The following RAB27B variants were observed in gnomAD, a reference collection of about 807,000 sequenced individuals.
The protein encoded by RAB27B is ras-related protein Rab-27B.
Under a neutral mutation model 24.6 loss-of-function variants are expected in RAB27B, and 15 were observed. The observed-to-expected ratio is 0.61, with a 90% CI of 0.41 to 0.94. RAB27B has a LOEUF of 0.94. Among genes scored for constraint, RAB27B ranks in the 40% least tolerant of loss-of-function variants. The pLI, the probability that RAB27B is intolerant of heterozygous loss-of-function variation, is 0.00. For missense variants in RAB27B, 261 were observed against 266.8 expected, an observed-to-expected ratio of 0.98 and a Z score of 0.15; for synonymous variants, 105 against 92.5, an observed-to-expected ratio of 1.14 and a Z score of -0.78.
chr18:54,872,287 CTATTT>C (rs1462005620), intron 1 of RAB27B, among the ~76,000 whole-genome samples: 1 of 152,144 alleles, frequency 6.6e-6, no homozygotes, highest in African/African-American at 2.4e-5. Flanking sequence ...AAGATATATT[CTATTT>C]TGAGAAGGTT....
chr18:54,780,101 C>T (rs1379608776), intron 2 of RAB27B, among the ~76,000 whole-genome samples: 1 of 141,018 alleles, frequency 7.1e-6, no homozygotes, highest in Non-Finnish European at 1.5e-5. Flanking sequence ...CTGACAGCTT[C>T]CCCATCACCC....
At position 54,891,818 on chromosome 18, in the gene RAB27B, A is replaced by G. The variant is rs1273802091; in HGVS notation, c.*2405A>G. 1 of 152,072 alleles carries G rather than the reference A, an allele frequency of 6.6e-6. No homozygotes were observed. Among genetic ancestry groups the G allele is most frequent in the Non-Finnish European group, 1.5e-5 (1 of 68,000 alleles). The allele number at this position is 152,072 out of a possible 1,614,324, so 9.4% of individuals were successfully genotyped here. On this transcript the variant is annotated 3_prime_UTR_variant, in exon 6 of 6. Coordinates refer to ENST00000262094, the MANE Select transcript of RAB27B (RefSeq NM_004163.4). Reference sequence around the variant, plus strand: ...GGTTGATGATGCCCATAATTGCAAGACTATTCCTGTAAAAATAACAATTAT... The same window carrying G: ...GGTTGATGATGCCCATAATTGCAAGGCTATTCCTGTAAAAATAACAATTAT...
Position 54,728,923 on chromosome 18 carries a change from A to C in RAB27B, c.-20+10782A>C, listed in dbSNP as rs1568044231. ...AAACCCAAAAAAAAAAAAAAAAAAA[A>C]CCACCACCAAAGGAAACCTGCCTAC... On this transcript the variant is annotated intron_variant, in intron 2 of 4. Transcript: ENST00000586570. 3.5e-5 allele frequency among the ~76,000 whole-genome samples: 5 copies of C among 144,652 alleles called. No individual in the cohort carries two copies. In the East Asian group the frequency reaches 6.0e-4, roughly 17 times the overall value. The allele number at this position is 144,652 out of a possible 152,430, so 94.9% of individuals were successfully genotyped here. A position where few individuals can be genotyped will look rare whatever the true frequency, so the allele number is the denominator to read the frequency against.
intron 2 of RAB27B, among the ~76,000 whole-genome samples, chr18:54,737,997 A>G (rs560661341): frequency 3.9e-5 from 6 of 152,182 alleles, no homozygotes; most frequent in Non-Finnish European, 7.3e-5. Context: ...GTCAATGTAG[A>G]AAATATATGC....
chr18:54,803,037 G>A (rs776843568), intron 2 of RAB27B, among the ~76,000 whole-genome samples: 7 of 152,040 alleles, frequency 4.6e-5, no homozygotes, highest in Non-Finnish European at 8.8e-5. Context: ...TGGCACTGAA[G>A]CTGAAATACA....
At chr18:54,794,226 C>T (rs1909343385) in intron 2 of RAB27B, among the ~76,000 whole-genome samples, 1 of 152,164 alleles carries the variant, frequency 6.6e-6, no homozygotes, top group Non-Finnish European at 1.5e-5. Context: ...GCTATTATAG[C>T]ACCCTGAACT....
chr18:54,832,177 A>G (rs1035443386), intron 1 of RAB27B, among the ~76,000 whole-genome samples: 2 of 152,186 alleles, frequency 1.3e-5, no homozygotes, highest in Non-Finnish European at 2.9e-5. Flanking sequence ...CAGTAGACCA[A>G]CTACAACAGT....
intron 1 of RAB27B, among the ~76,000 whole-genome samples, chr18:54,875,229 G>A (rs1250079761): frequency 1.3e-5 from 2 of 152,186 alleles, no homozygotes; most frequent in Non-Finnish European, 2.9e-5. Flanking sequence ...GGAAGGCTGA[G>A]TTGGGAGGAT....
intron 1 of RAB27B, among the ~76,000 whole-genome samples, chr18:54,832,956 G>T (rs1465903841): frequency 6.6e-6 from 1 of 152,114 alleles, no homozygotes; most frequent in African/African-American, 2.4e-5. Flanking sequence ...GAGGCCCCCA[G>T]AAAAACTCAT....
At chr18:54,736,690 C>G (rs373502763) in intron 2 of RAB27B, among the ~76,000 whole-genome samples, 139 of 152,104 alleles carry the variant, frequency 9.1e-4, no homozygotes, top group African/African-American at 3.2e-3. Context: ...AGTGATATTT[C>G]GATAAGACCA....
chr18:54,794,533 C>T (rs144923152), intron 2 of RAB27B, among the ~76,000 whole-genome samples: 1 of 152,170 alleles, frequency 6.6e-6, no homozygotes, highest in African/African-American at 2.4e-5. Context: ...GGATGATTCT[C>T]TGTCTGAGGA....
intron 2 of RAB27B, among the ~76,000 whole-genome samples, chr18:54,752,445 A>G (rs1473641513): frequency 6.6e-6 from 1 of 152,226 alleles, no homozygotes; most frequent in Non-Finnish European, 1.5e-5. Context: ...AAGATTGAGA[A>G]TCATTGCTGT....
intron 2 of RAB27B, among the ~76,000 whole-genome samples, chr18:54,764,169 T>C (rs1442938029): frequency 6.6e-6 from 1 of 152,192 alleles, no homozygotes; most frequent in African/African-American, 2.4e-5. Context: ...ATTGACCCTG[T>C]GTTTACCATC....
At chr18:54,747,805 A>G (rs1415742404) in intron 2 of RAB27B, among the ~76,000 whole-genome samples, 1 of 152,198 alleles carries the variant, frequency 6.6e-6, no homozygotes, top group African/African-American at 2.4e-5. Context: ...TTGTGCATAA[A>G]GACTTTATTA....
chr18:54,855,503 T>C (rs1342909478), intron 1 of RAB27B, among the ~76,000 whole-genome samples: 5 of 152,190 alleles, frequency 3.3e-5, no homozygotes, highest in Admixed American at 6.5e-5. Context: ...GGATACAAGA[T>C]AGAAGTAAGC....
intron 2 of RAB27B, among the ~76,000 whole-genome samples, chr18:54,789,052 C>G (rs934995632): frequency 6.6e-6 from 1 of 152,070 alleles, no homozygotes; most frequent in South Asian, 2.1e-4. Context: ...GGTATTGTGC[C>G]TGGTTATCCT....
intron 2 of RAB27B, among the ~76,000 whole-genome samples, chr18:54,718,643 T>C (rs776314251): frequency 1.1e-4 from 16 of 152,308 alleles, no homozygotes; most frequent in Admixed American, 2.0e-4. Context: ...CATATACTTT[T>C]TCCTGACTCA....
chr18:54,770,903 G>A (rs536083883), intron 2 of RAB27B, among the ~76,000 whole-genome samples: 38 of 152,158 alleles, frequency 2.5e-4, no homozygotes, highest in Admixed American at 1.4e-3. Flanking sequence ...TTTGGGGTTC[G>A]AATTAGAAAT....
At chr18:54,747,582 A>G (rs1451643002) in intron 2 of RAB27B, among the ~76,000 whole-genome samples, 1 of 152,168 alleles carries the variant, frequency 6.6e-6, no homozygotes, top group Non-Finnish European at 1.5e-5. Flanking sequence ...CAAAATCTGA[A>G]TAATAGGTCT....
Sources: gnomAD v4.1 joint callset for allele counts (sites outside exome capture counted in the v4.1 genomes callset) on GRCh38, gnomAD v4.1.1 for gene constraint, MANE v1.5 for transcripts, NCBI Gene and HGNC (gene_info 2026-07-23, HGNC 2026-07-21) for gene names.